The following ZNRF2 variants were observed in gnomAD, a reference collection of about 807,000 sequenced individuals.
ZNRF2 encodes the protein E3 ubiquitin-protein ligase ZNRF2.
ZNRF2 carries 16 observed loss-of-function variants against 20.4 expected under a neutral mutation model. That is an observed-to-expected ratio of 0.79 (90% confidence interval 0.53 to 1.19). ZNRF2 has a LOEUF of 1.19. Ranked by LOEUF, ZNRF2 falls within the 50% of genes most tolerant of loss-of-function variation. The pLI is 0.00. For missense variants in ZNRF2, 363 were observed against 332.4 expected, an observed-to-expected ratio of 1.09 and a Z score of -0.72; for synonymous variants, 178 against 144.9, an observed-to-expected ratio of 1.23 and a Z score of -1.64.
intron 2 of ZNRF2, among the ~76,000 whole-genome samples, chr7:30,343,986 C>A (rs1316800498): frequency 4.2e-5 from 6 of 142,166 alleles, no homozygotes; most frequent in African/African-American, 1.6e-4. Flanking sequence ...GTGGCGCGAT[C>A]TCGGCTCACT....
At chr7:30,310,086 C>T (rs552678223) in intron 1 of ZNRF2, among the ~76,000 whole-genome samples, 7 of 152,196 alleles carry the variant, frequency 4.6e-5, no homozygotes, top group African/African-American at 9.6e-5. Flanking sequence ...ACAGTAGCTA[C>T]GTTGTGAGGG....
chr7:30,308,320 GTGTT>G, intron 1 of ZNRF2, among the ~76,000 whole-genome samples: 1 of 152,118 alleles, frequency 6.6e-6, no homozygotes, highest in African/African-American at 2.4e-5. Flanking sequence ...CCATTGTTGG[GTGTT>G]TGTTTCCATT....
At position 30,323,624 on chromosome 7, in the gene ZNRF2, G is replaced by A. The variant is rs1244210445; in HGVS notation, c.470-18G>A. 1.3e-6 allele frequency: 2 copies of A among 1,517,356 alleles called. No homozygotes were observed. The highest frequency in any genetic ancestry group is 1.8e-6 in the Non-Finnish European group (2 of 1,117,074). 94.0% of individuals were successfully genotyped at this position (1,517,356 alleles called of 1,614,324 possible). ...TATTCAGAATAGTTAAGTAACTTGAGTTTCTTTTGTTTTTTAGGATTTAAG... is the reference window on the plus strand; with the variant it reads ...TATTCAGAATAGTTAAGTAACTTGAATTTCTTTTGTTTTTTAGGATTTAAG... On this transcript the variant is annotated intron_variant, in intron 1 of 4. Transcript: ENST00000323037.
chr7:30,337,582 T>C (rs567764205), intron 2 of ZNRF2, among the ~76,000 whole-genome samples: 74 of 152,272 alleles, frequency 4.9e-4, no homozygotes, highest in African/African-American at 1.8e-3. Flanking sequence ...TTCTTTTCTC[T>C]GGAGTTGACA....
chr7:30,334,751 CAT>C (rs1195500439), intron 2 of ZNRF2, among the ~76,000 whole-genome samples: 12 of 152,036 alleles, frequency 7.9e-5, no homozygotes, highest in Non-Finnish European at 1.2e-4. Context: ...CTACTGCTAT[CAT>C]ATGTGGCAAC....
chr7:30,299,588 C>T (rs1799075252), intron 1 of ZNRF2, among the ~76,000 whole-genome samples: 1 of 152,006 alleles, frequency 6.6e-6, no homozygotes, highest in Non-Finnish European at 1.5e-5. Flanking sequence ...ACAGTCACTT[C>T]CAGTCTTCCT....
chr7:30,319,987 ATATTTT>A (rs1295033189), intron 1 of ZNRF2, among the ~76,000 whole-genome samples: 1 of 152,134 alleles, frequency 6.6e-6, no homozygotes, highest in Non-Finnish European at 1.5e-5. Flanking sequence ...TTGTTTACAC[ATATTTT>A]TATTTTTAAA....
chr7:30,352,432 C>CT (rs1353045120), intron 2 of ZNRF2, among the ~76,000 whole-genome samples: 1 of 152,018 alleles, frequency 6.6e-6, no homozygotes, highest in African/African-American at 2.4e-5. Context: ...AGTCTTTTAA[C>CT]TTTTCTTTTC....
chr7:30,341,611 G>C (rs1799796481), intron 2 of ZNRF2, among the ~76,000 whole-genome samples: 1 of 152,052 alleles, frequency 6.6e-6, no homozygotes, highest in Non-Finnish European at 1.5e-5. Context: ...CCATTCTTTT[G>C]CATTTGCTGA....
chr7:30,319,728 G>A (rs1259653757), intron 1 of ZNRF2, among the ~76,000 whole-genome samples: 1 of 152,182 alleles, frequency 6.6e-6, no homozygotes, highest in African/African-American at 2.4e-5. Flanking sequence ...CCATCTAAAA[G>A]TTCTTTGGGT....
rs543841460 is a variant in ZNRF2 at position 30,343,840 on chromosome 7, G to A, written c.566-11888G>A. On this transcript the variant is annotated intron_variant, in intron 2 of 4. Transcript: ENST00000323037. ...TTAGCCCATTTATATTTCTTAATAT[G>A]GTCAGTGCTAATTCTGTCATTATAC... Among the ~76,000 whole-genome samples, 4 of 146,244 alleles carry A rather than the reference G, an allele frequency of 2.7e-5. No homozygotes were observed. In the South Asian group the frequency reaches 8.7e-4, roughly 32 times the overall value.
intron 1 of ZNRF2, among the ~76,000 whole-genome samples, chr7:30,289,551 G>A (rs1798858538): frequency 6.6e-6 from 1 of 152,152 alleles, no homozygotes; most frequent in Non-Finnish European, 1.5e-5. Flanking sequence ...AGAAAAATGA[G>A]CCTTCTAACC....
intron 1 of ZNRF2, among the ~76,000 whole-genome samples, chr7:30,288,201 G>A (rs1490333434): frequency 6.6e-6 from 1 of 152,084 alleles, no homozygotes; most frequent in Non-Finnish European, 1.5e-5. Context: ...TAACTTTTTA[G>A]TATCTATTAT....
intron 2 of ZNRF2, among the ~76,000 whole-genome samples, chr7:30,352,959 C>T (rs1799981857): frequency 6.6e-6 from 1 of 152,008 alleles, no homozygotes; most frequent in South Asian, 2.1e-4. Context: ...GGCAAAAGCT[C>T]AAAACTTTCC....
chr7:30,365,914 C>T (rs2127959224), intron 4 of ZNRF2, 121 bp from the exon 5 acceptor site: 1 of 152,210 alleles, frequency 6.6e-6, no homozygotes, highest in Non-Finnish European at 1.5e-5. Flanking sequence ...ATTGATCCTT[C>T]TGTTTCTTAA....
intron 3 of ZNRF2, among the ~76,000 whole-genome samples, chr7:30,360,341 A>G (rs1047538733): frequency 2.0e-5 from 3 of 152,208 alleles, no homozygotes; most frequent in Non-Finnish European, 4.4e-5. Flanking sequence ...AATGTCCATC[A>G]GTGAAAGAAT....
At chr7:30,354,777 C>T (rs1407765291) in intron 2 of ZNRF2, among the ~76,000 whole-genome samples, 2 of 152,112 alleles carry the variant, frequency 1.3e-5, no homozygotes, top group Non-Finnish European at 2.9e-5. Context: ...GCTTTCCATT[C>T]TGTAAACGAA....
In ZNRF2 at chr7:30,366,613, G is replaced by A. The variant is rs907825716; in HGVS notation, c.*601G>A. The A allele has an allele frequency of 1.3e-5, 2 of 152,362 alleles. No individual in the cohort carries two copies. The highest frequency in any genetic ancestry group is 4.8e-5 in the African/African-American group (2 of 41,382). The allele number at this position is 152,362 out of a possible 1,614,324, so 9.4% of individuals were successfully genotyped here. A position where few individuals can be genotyped will look rare whatever the true frequency, so the allele number is the denominator to read the frequency against. Reference sequence around the variant, plus strand: ...TTCTTCCATTTTCTCCCCCACGAGTGGAAAATAGACTTCTACATAGGAAAG... The same window carrying A: ...TTCTTCCATTTTCTCCCCCACGAGTAGAAAATAGACTTCTACATAGGAAAG... On this transcript the variant is annotated 3_prime_UTR_variant, in exon 5 of 5. Transcript: ENST00000323037.
At chr7:30,323,355 C>G (rs116960225) in intron 1 of ZNRF2, among the ~76,000 whole-genome samples, 8 of 152,038 alleles carry the variant, frequency 5.3e-5, no homozygotes, top group African/African-American at 1.9e-4. Context: ...AAATTAAAAA[C>G]GAGAATACCT....
Sources: gnomAD v4.1 joint callset for allele counts (sites outside exome capture counted in the v4.1 genomes callset) on GRCh38, gnomAD v4.1.1 for gene constraint, MANE v1.5 for transcripts, NCBI Gene and HGNC (gene_info 2026-07-23, HGNC 2026-07-21) for gene names.